Variants in MPHOSPH8 observed in about 807,000 individuals in gnomAD.
The protein encoded by MPHOSPH8 is M-phase phosphoprotein 8, also known as M-phase phosphoprotein, mpp.
MPHOSPH8 carries 45 observed loss-of-function variants against 87.3 expected under a neutral mutation model. The ratio of observed to expected loss-of-function variants is 0.52; its 90% CI spans 0.41 to 0.66. The LOEUF is 0.66. Among genes scored for constraint, MPHOSPH8 ranks in the 30% least tolerant of loss-of-function variants. The pLI is 0.00. For missense variants in MPHOSPH8, 883 were observed against 1,020.2 expected (o/e 0.87, Z 1.83); for synonymous variants, 366 against 376.9 (o/e 0.97, Z 0.33).
At chr13:19,667,262 G>A (rs1369787275) in intron 10 of MPHOSPH8, among the ~76,000 whole-genome samples, 1 of 152,078 alleles carries the variant, frequency 6.6e-6, no homozygotes, top group African/African-American at 2.4e-5. Context: ...AAAGTTGAGC[G>A]GAGGGTACAG....
At chr13:19,635,845 G>A (rs918767261) in intron 1 of MPHOSPH8, among the ~76,000 whole-genome samples, 2 of 152,198 alleles carry the variant, frequency 1.3e-5, no homozygotes, top group African/African-American at 4.8e-5. Context: ...TAATTCCCAT[G>A]TGTCAAGGGC....
chr13:19,665,265 G>A (rs1316496762), intron 9 of MPHOSPH8, among the ~76,000 whole-genome samples: 2 of 152,212 alleles, frequency 1.3e-5, no homozygotes, highest in Non-Finnish European at 1.5e-5. Context: ...TATTTTAATT[G>A]CTTTCAGGAT....
At chr13:19,647,403 C>G in intron 3 of MPHOSPH8, 112 bp downstream of exon 3, 2 of 884,024 alleles carry the variant, frequency 2.3e-6, no homozygotes. Flanking sequence ...CATGGGCGGT[C>G]ATAAATGAAG....
Position 19,666,545 on chromosome 13 carries a change from C to T in MPHOSPH8, c.2140C>T (p.Leu714Phe), listed in dbSNP as rs771597562. Residue 714 changes from leucine (L) to phenylalanine (F), a missense_variant, in exon 10 of 14, where the codon CTT becomes TTT. Leu to Phe is a conservative substitution (Grantham distance 22, BLOSUM62 0). Transcript: ENST00000361479. ...LHFAKQSNNVLVYDLLKNHLE... is the reference protein window; with the variant it reads ...LHFAKQSNNVFVYDLLKNHLE... ...CTTTGCGAAGCAGTCTAACAATGTG[C>T]TTGTGTACGACTTGCTGAAGAACCA... 84 of 1,596,072 alleles carry T rather than the reference C, an allele frequency of 5.3e-5. No individual in the cohort carries two copies. Among genetic ancestry groups the T allele is most frequent in the Non-Finnish European group, 7.0e-5 (82 of 1,165,662 alleles).
intron 2 of MPHOSPH8, among the ~76,000 whole-genome samples, chr13:19,643,109 T>A: frequency 6.6e-6 from 1 of 152,248 alleles, no homozygotes; most frequent in East Asian, 1.9e-4. Flanking sequence ...AGCTTTTTTT[T>A]CTTTTTTGAG....
intron 9 of MPHOSPH8, among the ~76,000 whole-genome samples, chr13:19,664,259 G>A (rs1875700857): frequency 6.6e-6 from 1 of 152,188 alleles, no homozygotes. Context: ...TTGGGAGCCT[G>A]AGGTTTGTCT....
intron 1 of MPHOSPH8, among the ~76,000 whole-genome samples, chr13:19,637,682 T>C (rs907246754): frequency 6.6e-6 from 1 of 152,188 alleles, no homozygotes; most frequent in Non-Finnish European, 1.5e-5. Flanking sequence ...CTGCATACTA[T>C]TGACTAAGAT....
At chr13:19,635,459 C>T (rs1413605720) in intron 1 of MPHOSPH8, among the ~76,000 whole-genome samples, 2 of 152,140 alleles carry the variant, frequency 1.3e-5, no homozygotes, top group African/African-American at 2.4e-5. Context: ...ACCCGGGAGG[C>T]GGAGGTTGCA....
Position 19,647,150 on chromosome 13 carries a change from G to C in MPHOSPH8, c.1077G>C (p.Val359=). ...ACGCTTTCTTAGAGAAGAAAACTGT[G>C]CCTAAAAAGCAGAGGAATCAAGACA... The part of the protein sequence containing the change: ...NKNAFLEKKT[V]PKKQRNQDRS... The change falls in exon 3 of 14, where the codon GTG becomes GTC. Residue 359 remains valine (V), a synonymous_variant. Coordinates refer to ENST00000361479, the MANE Select transcript of MPHOSPH8 (RefSeq NM_017520.4). 1.2e-6 allele frequency: 2 copies of C among 1,614,102 alleles called. No individual in the cohort carries two copies. The highest frequency in any genetic ancestry group is 2.2e-5 in the South Asian group (2 of 91,070).
In MPHOSPH8 at chr13:19,663,205, T is replaced by C. The variant is rs1875640874; in HGVS notation, c.2019+79T>C. On this transcript the variant is annotated intron_variant, in intron 9 of 13. Transcript: ENST00000361479. ...GTTGGCATCTGCCACTGCCAGGCAC[T>C]GTGCTGGGGACTGAGAACAGAGTGG... 3.2e-6 allele frequency: 4 copies of C among 1,250,388 alleles called. No individual in the cohort carries two copies. The African/African-American group carries it at 4.5e-5, about 14-fold the overall frequency. The allele number at this position is 1,250,388 out of a possible 1,614,324, so 77.5% of individuals were successfully genotyped here.
rs754254118 is a variant in MPHOSPH8, at chr13:19,671,843, C to T, written c.2551C>T (p.Leu851=). The change falls in exon 14 of 14, where the codon CTA becomes TTA. Residue 851 remains leucine, a synonymous_variant. Coordinates refer to ENST00000361479, the MANE Select transcript of MPHOSPH8 (RefSeq NM_017520.4). ...TCTTTTCTTTCAACAGGTTAAGTTG[C>T]TAATAGGTGCATACAGAGTGCAGCT... The part of the protein sequence containing the change: ...TEAPSAKVKL[L]IGAYRVQLQ The T allele has an allele frequency of 6.2e-7, 1 of 1,614,140 alleles. No homozygotes were observed.
At position 19,646,448 on chromosome 13, in the gene MPHOSPH8, A is replaced by G. The variant is rs151154677; in HGVS notation, c.375A>G (p.Leu125=). The G allele has an allele frequency of 5.8e-3, 8,704 of 1,492,302 alleles. 78 individuals are homozygous for G. Among genetic ancestry groups the G allele is most frequent in the South Asian group, 0.025 (1,699 of 67,074 alleles). The allele number at this position is 1,492,302 out of a possible 1,614,324, so 92.4% of individuals were successfully genotyped here. ...AKAVRKDIQR[L]SLNNDIFEAN... ...ATCTGTTTTGTATTTTATAGAGACT[A>G]TCCTTAAATAACGACATATTTGAGG... Residue 125 remains leucine, a synonymous_variant, in exon 3 of 14, where the codon CTA becomes CTG. Transcript: ENST00000361479.
chr13:19,671,953 A>G lies in MPHOSPH8; in HGVS notation c.*78A>G, dbSNP rs1876154887. 14 of 1,445,080 alleles carry G rather than the reference A, an allele frequency of 9.7e-6. No individual in the cohort carries two copies. The Admixed American group carries it at 1.4e-4, about 14-fold the overall frequency. 89.5% of individuals were successfully genotyped at this position (1,445,080 alleles called of 1,614,324 possible). A position where few individuals can be genotyped will look rare whatever the true frequency, so the allele number is the denominator to read the frequency against. ...TTTGACAGCAGTTTGGAATTCTTCTAGCACATCTATGTAAAGTTTTGTCTG... is the reference window on the plus strand; with the variant it reads ...TTTGACAGCAGTTTGGAATTCTTCTGGCACATCTATGTAAAGTTTTGTCTG... On this transcript the variant is annotated 3_prime_UTR_variant, in exon 14 of 14. Coordinates refer to ENST00000361479, the MANE Select transcript of MPHOSPH8 (RefSeq NM_017520.4).
At chr13:19,655,352 C>T (rs778409529) in intron 5 of MPHOSPH8, among the ~76,000 whole-genome samples, 1 of 152,062 alleles carries the variant, frequency 6.6e-6, no homozygotes, top group Non-Finnish European at 1.5e-5. Flanking sequence ...CCTATAGCCT[C>T]AGCTACTTGG....
intron 1 of MPHOSPH8, among the ~76,000 whole-genome samples, chr13:19,637,965 G>T (rs1565931570): frequency 6.6e-6 from 1 of 151,694 alleles, no homozygotes; most frequent in African/African-American, 2.4e-5. Context: ...GGTGGGCATG[G>T]TGGCAGGCGC....
In MPHOSPH8 at chr13:19,672,848, C is replaced by T; in HGVS notation, c.*973C>T. ...AGCGTGGTGGCTCACACCTATAATC[C>T]CAGCGCTTTGGAGGCTGAGGTTGGA... On this transcript the variant is annotated 3_prime_UTR_variant, in exon 14 of 14. Transcript: ENST00000361479. The T allele has an allele frequency of 3.0e-6, 1 of 332,924 alleles. No individual in the cohort carries two copies. The highest frequency in any genetic ancestry group is 5.9e-6 in the Non-Finnish European group (1 of 169,672). 20.6% of individuals were successfully genotyped at this position (332,924 alleles called of 1,614,324 possible). A position where few individuals can be genotyped will look rare whatever the true frequency, so the allele number is the denominator to read the frequency against.
At chr13:19,645,619 G>A (rs998628876) in intron 2 of MPHOSPH8, among the ~76,000 whole-genome samples, 2 of 151,978 alleles carry the variant, frequency 1.3e-5, no homozygotes, top group African/African-American at 4.8e-5. Context: ...AGCAGGGTGT[G>A]GTGGCACGTT....
intron 5 of MPHOSPH8, among the ~76,000 whole-genome samples, chr13:19,656,097 G>A (rs749715578): frequency 2.5e-4 from 38 of 151,726 alleles, no homozygotes; most frequent in Non-Finnish European, 4.9e-4. Context: ...GCAAAACTCC[G>A]TCTCAACAAC....
chr13:19,670,803 A>T, intron 12 of MPHOSPH8: 12 of 1,221,368 alleles, frequency 9.8e-6, no homozygotes, highest in Non-Finnish European at 1.2e-5. Flanking sequence ...TTAATAAATC[A>T]AGGGAAAAAT....
Sources: gnomAD v4.1 joint callset for allele counts (sites outside exome capture counted in the v4.1 genomes callset) on GRCh38, gnomAD v4.1.1 for gene constraint, MANE v1.5 for transcripts, NCBI Gene and HGNC (gene_info 2026-07-23, HGNC 2026-07-21) for gene names.